CDYL: variants seen among roughly 807,000 people sequenced by gnomAD.
CDYL encodes the protein chromodomain Y like.
In CDYL, 8 loss-of-function variants were observed where a neutral mutation model predicts 47.3. That is an observed-to-expected ratio of 0.17 (90% CI 0.10 to 0.31). The LOEUF (loss-of-function observed/expected upper bound fraction) is 0.31, where lower values mean the gene tolerates loss of function less well. Ranked by LOEUF, CDYL falls within the 10% of genes least tolerant of loss-of-function variation. The probability of loss-of-function intolerance (pLI) is 1.00; values close to 1 mark genes in which losing one functional copy is unlikely to be tolerated. For synonymous variants in CDYL, 266 were observed against 265.0 expected (o/e 1.00, Z -0.04); for missense variants, 471 against 701.4 (o/e 0.67, Z 3.71).
chr6:4,721,509 T>C (rs899787728), intron 2 of CDYL, among the ~76,000 whole-genome samples: 2 of 151,884 alleles, frequency 1.3e-5, no homozygotes, highest in Non-Finnish European at 2.9e-5. Flanking sequence ...TCAGCCTCCC[T>C]AGTAGCTGGG....
intron 1 of CDYL, among the ~76,000 whole-genome samples, chr6:4,856,360 C>T (rs938794637): frequency 2.0e-5 from 3 of 152,138 alleles, no homozygotes; most frequent in Admixed American, 2.0e-4. Context: ...AGAGGTCGGC[C>T]GGATAGATAA....
intron 2 of CDYL, among the ~76,000 whole-genome samples, chr6:4,902,161 G>A (rs1757077089): frequency 6.6e-6 from 1 of 152,104 alleles, no homozygotes; most frequent in South Asian, 2.1e-4. Flanking sequence ...CACTTTGGGA[G>A]GCCAAGGTGA....
At chr6:4,912,543 G>A (rs1476748158) in intron 2 of CDYL, among the ~76,000 whole-genome samples, 2 of 152,256 alleles carry the variant, frequency 1.3e-5, no homozygotes, top group Admixed American at 6.5e-5. Flanking sequence ...AGATGGTGAA[G>A]GGATTGAAGT....
At chr6:4,863,111 A>G (rs577206725) in intron 1 of CDYL, among the ~76,000 whole-genome samples, 2 of 152,366 alleles carry the variant, frequency 1.3e-5, no homozygotes, top group East Asian at 1.9e-4. Context: ...CAGAAAATCA[A>G]ATACCACATT....
In CDYL at chr6:4,894,876, T is replaced by TGTGTGTGTGTATATACACAC. The variant is rs1561692290; in HGVS notation, c.691+2501_691+2502insGTGTGTATATACACACGTGT. On this transcript the variant is annotated intron_variant, in intron 2 of 6. Coordinates refer to ENST00000397588, the MANE Select transcript of CDYL (RefSeq NM_004824.4). ...GTGTGTATATGTGTATATACACACA[T>TGTGTGTGTGTATATACACAC]GTGTATGTGTGTGTATATATACACA... Among the ~76,000 whole-genome samples, 3 of 3,246 alleles carry TGTGTGTGTGTATATACACAC rather than the reference T, an allele frequency of 9.2e-4. No homozygotes were observed. The Non-Finnish European group carries it at 0.041, about 44-fold the overall frequency. The allele number at this position is 3,246 out of a possible 152,430, so 2.1% of individuals were successfully genotyped here.
intron 2 of CDYL, among the ~76,000 whole-genome samples, chr6:4,731,293 T>A (rs1304415564): frequency 2.0e-5 from 3 of 152,240 alleles, no homozygotes; most frequent in African/African-American, 7.2e-5. Context: ...CCCAACCTAT[T>A]TTCATCTTTA....
chr6:4,744,798 C>G (rs559797855), intron 3 of CDYL, among the ~76,000 whole-genome samples: 1 of 152,228 alleles, frequency 6.6e-6, no homozygotes, highest in South Asian at 2.1e-4. Flanking sequence ...GAGAGCAACG[C>G]TAATCTCTTA....
At chr6:4,929,672 C>G (rs1400725930) in intron 2 of CDYL, among the ~76,000 whole-genome samples, 1 of 152,138 alleles carries the variant, frequency 6.6e-6, no homozygotes, top group Non-Finnish European at 1.5e-5. Flanking sequence ...TTTTTAGTAT[C>G]TAATTGGTTC....
intron 3 of CDYL, among the ~76,000 whole-genome samples, chr6:4,738,063 A>G (rs1435181969): frequency 6.6e-6 from 1 of 152,216 alleles, no homozygotes; most frequent in South Asian, 2.1e-4. Flanking sequence ...TAAATGATAC[A>G]TGCAGTAATT....
chr6:4,930,578 C>G (rs2039906), intron 2 of CDYL, among the ~76,000 whole-genome samples: 104,246 of 152,148 alleles, frequency 0.69, 36,370 homozygotes, highest in Middle Eastern at 0.88. Flanking sequence ...GTTGTTATGT[C>G]TATTTTATTC....
intron 3 of CDYL, among the ~76,000 whole-genome samples, chr6:4,770,745 T>C (rs946352025): frequency 6.6e-6 from 1 of 152,168 alleles, no homozygotes; most frequent in Admixed American, 6.5e-5. Context: ...GTAGTAGTTA[T>C]GGAGAAGTAA....
At chr6:4,939,772 C>A (rs1758307674) in intron 4 of CDYL, among the ~76,000 whole-genome samples, 1 of 152,206 alleles carries the variant, frequency 6.6e-6, no homozygotes, top group Non-Finnish European at 1.5e-5. Flanking sequence ...ATTCCATGAA[C>A]TTAACTTTTA....
chr6:4,813,712 A>C (rs543434426), intron 1 of CDYL, among the ~76,000 whole-genome samples: 19 of 151,264 alleles, frequency 1.3e-4, no homozygotes, highest in African/African-American at 4.6e-4. Flanking sequence ...TTTTGGTGGA[A>C]TTTGCCTCAA....
At chr6:4,896,506 C>T (rs1252831989) in intron 2 of CDYL, among the ~76,000 whole-genome samples, 3 of 152,064 alleles carry the variant, frequency 2.0e-5, no homozygotes, top group Non-Finnish European at 4.4e-5. Flanking sequence ...TCATTTGTGG[C>T]CTGGGTCTTT....
rs1757761203 is a variant in CDYL at position 4,739,556 on chromosome 6, C to T, written c.186+4712C>T. Among the ~76,000 whole-genome samples, 3 of 150,372 alleles carry T rather than the reference C, an allele frequency of 2.0e-5. No individual in the cohort carries two copies. In the East Asian group the frequency reaches 5.9e-4, roughly 29 times the overall value. ...AAAAAAGTTGAGTAAAAAAAAAATG[C>T]CACGGATAGTTTTATACAGTATAAT... On this transcript the variant is annotated intron_variant, in intron 3 of 8. Coordinates refer to the CDYL transcript ENST00000328908.
At chr6:4,935,470 G>T (rs751449057) in intron 2 of CDYL, 45 bp from the exon 3 acceptor site, 1 of 1,540,534 alleles carries the variant, frequency 6.5e-7, no homozygotes, top group Non-Finnish European at 9.0e-7. Flanking sequence ...GGAGTGAACT[G>T]GTGGTGGGAC....
chr6:4,812,365 G>A (rs762198738), intron 1 of CDYL, among the ~76,000 whole-genome samples: 4 of 152,042 alleles, frequency 2.6e-5, no homozygotes, highest in Non-Finnish European at 1.5e-5. Context: ...TGTTTTTTTG[G>A]GATGTCCGGT....
chr6:4,844,611 A>T (rs777105672), intron 1 of CDYL, among the ~76,000 whole-genome samples: 2 of 152,132 alleles, frequency 1.3e-5, no homozygotes, highest in East Asian at 3.8e-4. Context: ...TTCCCCCAAC[A>T]TGGGTTTGTT....
intron 2 of CDYL, chr6:4,724,891 T>C (rs9502229): frequency 6.6e-6 from 1 of 152,202 alleles, no homozygotes; most frequent in Non-Finnish European, 1.5e-5. Flanking sequence ...TTACCGCTGC[T>C]GGCTCGGGCA....
Sources: gnomAD v4.1 joint callset for allele counts (sites outside exome capture counted in the v4.1 genomes callset) on GRCh38, gnomAD v4.1.1 for gene constraint, MANE v1.5 for transcripts, NCBI Gene and HGNC (gene_info 2026-07-23, HGNC 2026-07-21) for gene names.